Variants in NRG3 observed in about 807,000 individuals in gnomAD.
The protein encoded by NRG3 is neuregulin 3.
A neutral mutation model predicts 66.9 loss-of-function variants in NRG3; 31 were observed. That is an observed-to-expected ratio of 0.46 (90% confidence interval 0.35 to 0.63). NRG3 has a LOEUF of 0.63. Ranked by LOEUF, NRG3 falls within the 20% of genes least tolerant of loss-of-function variation. NRG3 has a pLI of 0.00. For missense variants in NRG3, 910 were observed against 878.9 expected, an observed-to-expected ratio of 1.04 and a Z score of -0.45; for synonymous variants, 393 against 359.4, an observed-to-expected ratio of 1.09 and a Z score of -1.06.
chr10:82,120,035 G>T (rs577177262), intron 1 of NRG3, among the ~76,000 whole-genome samples: 61 of 152,146 alleles, frequency 4.0e-4, no homozygotes, highest in African/African-American at 1.4e-3. Context: ...AATAAATGAA[G>T]AATTTTAATG....
At chr10:82,210,268 G>A (rs2075333227) in intron 1 of NRG3, among the ~76,000 whole-genome samples, 1 of 152,160 alleles carries the variant, frequency 6.6e-6, no homozygotes, top group Non-Finnish European at 1.5e-5. Flanking sequence ...CTATTTTAAG[G>A]TAAAGTTATT....
chr10:82,177,674 T>C (rs1312991027), intron 1 of NRG3, among the ~76,000 whole-genome samples: 2 of 152,170 alleles, frequency 1.3e-5, no homozygotes, highest in Non-Finnish European at 2.9e-5. Flanking sequence ...CTTGGGCCTA[T>C]GTGATCCTCC....
chr10:82,475,494 GAT>G, intron 2 of NRG3, among the ~76,000 whole-genome samples: 1 of 152,102 alleles, frequency 6.6e-6, no homozygotes, highest in Non-Finnish European at 1.5e-5. Context: ...CCCAGGAACA[GAT>G]GGCTTCATGG....
chr10:82,469,913 T>G (rs539542863), intron 2 of NRG3, among the ~76,000 whole-genome samples: 1 of 152,222 alleles, frequency 6.6e-6, no homozygotes, highest in African/African-American at 2.4e-5. Context: ...CTTGCATCTT[T>G]GAATGTGCAT....
chr10:82,111,857 T>A (rs1411206905), intron 1 of NRG3, among the ~76,000 whole-genome samples: 21 of 152,224 alleles, frequency 1.4e-4, no homozygotes. Flanking sequence ...GATCAATGTA[T>A]TTTGTTATTA....
chr10:81,989,340 A>G (rs2060647464), intron 1 of NRG3, among the ~76,000 whole-genome samples: 1 of 152,112 alleles, frequency 6.6e-6, no homozygotes, highest in African/African-American at 2.4e-5. Flanking sequence ...GTAGACATCT[A>G]GTATAAGATC....
chr10:82,206,981 G>A (rs1009385444), intron 1 of NRG3, among the ~76,000 whole-genome samples: 6 of 152,162 alleles, frequency 3.9e-5, no homozygotes, highest in Non-Finnish European at 8.8e-5. Flanking sequence ...CTAGTTGACT[G>A]CTGTGACTCA....
At chr10:82,127,871 C>T (rs1020574730) in intron 1 of NRG3, among the ~76,000 whole-genome samples, 4 of 151,880 alleles carry the variant, frequency 2.6e-5, no homozygotes, top group East Asian at 1.9e-4. Flanking sequence ...CTTGGAGGCT[C>T]GGCTCCATAG....
chr10:82,000,988 T>G lies in NRG3; in HGVS notation c.823+124825T>G, dbSNP rs540188158. Among the ~76,000 whole-genome samples, 64 of 152,254 alleles carry G rather than the reference T, an allele frequency of 4.2e-4. No individual in the cohort carries two copies. The East Asian group carries it at 6.2e-3, about 15-fold the overall frequency. On this transcript the variant is annotated intron_variant, in intron 1 of 8. Transcript: ENST00000372141. The stretch of plus-strand genomic sequence containing the variant: ...ACCCTGACAAACATTGTATGGAAAT[T>G]CCAAACTAAAACTAAACAAACATTG...
chr10:82,061,870 C>T (rs2064169655), intron 1 of NRG3, among the ~76,000 whole-genome samples: 1 of 148,932 alleles, frequency 6.7e-6, no homozygotes, highest in African/African-American at 2.5e-5. Context: ...CTCACACACA[C>T]AAACACACAC....
chr10:82,369,487 G>GT (rs1004717590), intron 2 of NRG3, among the ~76,000 whole-genome samples: 3 of 137,304 alleles, frequency 2.2e-5, no homozygotes, highest in East Asian at 2.2e-4. Context: ...TTTTGTACTG[G>GT]TGGGGTCTCA....
chr10:82,092,035 T>C (rs1331615570), intron 1 of NRG3, among the ~76,000 whole-genome samples: 1 of 152,126 alleles, frequency 6.6e-6, no homozygotes, highest in Admixed American at 6.6e-5. Flanking sequence ...GAAGAAAAAA[T>C]ATTATTACTA....
intron 2 of NRG3, among the ~76,000 whole-genome samples, chr10:82,419,302 T>C (rs1011176052): frequency 2.0e-5 from 3 of 152,182 alleles, no homozygotes; most frequent in African/African-American, 7.2e-5. Flanking sequence ...ATTTGGATAA[T>C]TGAAAGGCAG....
At chr10:82,408,128 AAAG>A (rs1297049239) in intron 2 of NRG3, among the ~76,000 whole-genome samples, 134 of 144,060 alleles carry the variant, frequency 9.3e-4, no homozygotes, top group Non-Finnish European at 1.7e-3. Context: ...AGAAAGAAAG[AAAG>A]AAAGAAAGAA....
intron 6 of NRG3, among the ~76,000 whole-genome samples, chr10:82,966,955 C>G (rs543242692): frequency 4.2e-4 from 64 of 151,782 alleles, no homozygotes; most frequent in African/African-American, 1.5e-3. Flanking sequence ...CTACAAGACA[C>G]TCCTTGCTTA....
At position 82,078,593 on chromosome 10, in the gene NRG3, G is replaced by T. The variant is rs534942510; in HGVS notation, c.823+202430G>T. 3.3e-5 allele frequency among the ~76,000 whole-genome samples: 5 copies of T among 152,232 alleles called. No homozygotes were observed. The South Asian group carries it at 1.0e-3, about 32-fold the overall frequency. Reference sequence around the variant, plus strand: ...TCTCGATCTCATGACCTCGTGATCCGACCGCCTTGGCCTCCCAAAGTGCTG... The same window carrying T: ...TCTCGATCTCATGACCTCGTGATCCTACCGCCTTGGCCTCCCAAAGTGCTG... On this transcript the variant is annotated intron_variant, in intron 1 of 8. Coordinates refer to ENST00000372141, the MANE Select transcript of NRG3 (RefSeq NM_001010848.4).
chr10:82,802,606 A>G (rs749712389), intron 3 of NRG3, among the ~76,000 whole-genome samples: 8 of 152,148 alleles, frequency 5.3e-5, no homozygotes, highest in Non-Finnish European at 8.8e-5. Context: ...ATGTAGAAGA[A>G]CAGGACAACC....
intron 1 of NRG3, among the ~76,000 whole-genome samples, chr10:82,264,937 TCA>T (rs1170202284): frequency 6.6e-6 from 1 of 152,160 alleles, no homozygotes; most frequent in Non-Finnish European, 1.5e-5. Flanking sequence ...GTCTTGCCTT[TCA>T]CTTGATCAGG....
intron 2 of NRG3, among the ~76,000 whole-genome samples, chr10:82,666,865 A>G (rs2052829468): frequency 6.6e-6 from 1 of 152,200 alleles, no homozygotes; most frequent in Non-Finnish European, 1.5e-5. Context: ...ATACTTGGAT[A>G]TGGTAATAAA....
Sources: allele counts gnomAD v4.1 joint callset (sites outside exome capture counted in the v4.1 genomes callset), GRCh38; gene constraint gnomAD v4.1.1; transcripts MANE v1.5; gene names NCBI Gene and HGNC (gene_info 2026-07-23, HGNC 2026-07-21).